SPIDR: variants seen among roughly 807,000 people sequenced by gnomAD.
SPIDR encodes scaffold protein involved in DNA repair.
A neutral mutation model predicts 104.6 loss-of-function variants in SPIDR; 93 were observed. The ratio of observed to expected loss-of-function variants is 0.89; its 90% confidence interval spans 0.75 to 1.06. The LOEUF is 1.06. SPIDR is among the 50% of genes least tolerant of loss of function. The pLI is 0.00. For synonymous variants in SPIDR, 431 were observed against 416.9 expected (o/e 1.03, Z -0.41); for missense variants, 1,154 against 1,111.2 (o/e 1.04, Z -0.55).
At chr8:47,541,103 G>A (rs1284601914) in intron 8 of SPIDR, among the ~76,000 whole-genome samples, 3 of 152,090 alleles carry the variant, frequency 2.0e-5, no homozygotes, top group Admixed American at 6.5e-5. Flanking sequence ...CAAGTGGTCC[G>A]CCTTCCTCGG....
intron 8 of SPIDR, among the ~76,000 whole-genome samples, chr8:47,521,080 C>T (rs1326137851): frequency 1.3e-5 from 2 of 152,132 alleles, no homozygotes; most frequent in African/African-American, 2.4e-5. Context: ...GGATCCAAGA[C>T]GTCTGTCAAT....
At chr8:47,488,642 G>A (rs1489377667) in intron 8 of SPIDR, among the ~76,000 whole-genome samples, 1 of 152,184 alleles carries the variant, frequency 6.6e-6, no homozygotes, top group South Asian at 2.1e-4. Flanking sequence ...CCATCAAAAA[G>A]CTTATCCACC....
rs186003744 is a variant in SPIDR, at chr8:47,507,961, A to G, written c.1097+67419A>G. On this transcript the variant is annotated intron_variant, in intron 8 of 19. Transcript: ENST00000297423. ...TTGCTTGCCTTCCATCCTAGCCCATATGGAGGGCTTTTTCTTGGCCCACTC... is the reference window on the plus strand; with the variant it reads ...TTGCTTGCCTTCCATCCTAGCCCATGTGGAGGGCTTTTTCTTGGCCCACTC... 5.3e-5 allele frequency among the ~76,000 whole-genome samples: 8 copies of G among 152,290 alleles called. 1 individual carries two copies. The South Asian group carries it at 1.2e-3, about 24-fold the overall frequency.
intron 16 of SPIDR, 52 bp downstream of exon 16, chr8:47,713,693 C>G: frequency 3.1e-6 from 5 of 1,597,336 alleles, no homozygotes; most frequent in Non-Finnish European, 4.3e-6. Context: ...AACTGTTATA[C>G]TTTATATTCA....
intron 10 of SPIDR, among the ~76,000 whole-genome samples, chr8:47,632,671 A>G (rs867386788): frequency 1.3e-5 from 2 of 152,212 alleles, no homozygotes; most frequent in South Asian, 4.1e-4. Flanking sequence ...CTCAGGGGAA[A>G]AGAAGGCAGC....
chr8:47,594,196 C>CAAAAAA (rs372928071), intron 8 of SPIDR, among the ~76,000 whole-genome samples: 1 of 53,578 alleles, frequency 1.9e-5, no homozygotes, highest in Non-Finnish European at 3.2e-5. Flanking sequence ...CCAGTCTCTA[C>CAAAAAA]AAAAAAAAAA....
At chr8:47,403,772 A>G (rs1554665261) in intron 6 of SPIDR, among the ~76,000 whole-genome samples, 2 of 152,208 alleles carry the variant, frequency 1.3e-5, no homozygotes, top group African/African-American at 2.4e-5. Flanking sequence ...AAATGGCCAT[A>G]TTACCCAAGG....
At chr8:47,306,225 T>A (rs2043072611) in intron 5 of SPIDR, among the ~76,000 whole-genome samples, 1 of 152,154 alleles carries the variant, frequency 6.6e-6, no homozygotes, top group Admixed American at 6.5e-5. Flanking sequence ...CACTGCAACC[T>A]CCGCCTCCTG....
chr8:47,499,861 C>G (rs1427482353), intron 8 of SPIDR, among the ~76,000 whole-genome samples: 2 of 151,072 alleles, frequency 1.3e-5, no homozygotes, highest in South Asian at 4.2e-4. Context: ...TCTCATTGTT[C>G]AGTTCTCACC....
At chr8:47,512,644 C>T (rs1363217936) in intron 8 of SPIDR, among the ~76,000 whole-genome samples, 1 of 152,140 alleles carries the variant, frequency 6.6e-6, no homozygotes. Context: ...GTCACGGCTG[C>T]TCCTGGGAAT....
intron 8 of SPIDR, among the ~76,000 whole-genome samples, chr8:47,482,367 G>A (rs938513138): frequency 3.3e-5 from 5 of 152,134 alleles, no homozygotes; most frequent in African/African-American, 1.2e-4. Context: ...CCCGGGAGCT[G>A]GAGGTTTCAG....
intron 5 of SPIDR, among the ~76,000 whole-genome samples, chr8:47,327,391 C>CTTTTTTTT (rs375122007): frequency 1.5e-5 from 2 of 132,610 alleles, no homozygotes; most frequent in Non-Finnish European, 1.6e-5. Context: ...GGTTTTTTCA[C>CTTTTTTTT]TTTTTTTTTT....
At chr8:47,637,010 T>C (rs897740122) in intron 10 of SPIDR, among the ~76,000 whole-genome samples, 13 of 152,288 alleles carry the variant, frequency 8.5e-5, no homozygotes, top group African/African-American at 3.1e-4. Context: ...ATTGTCTTCG[T>C]AGACTCAAAT....
intron 7 of SPIDR, among the ~76,000 whole-genome samples, chr8:47,437,460 A>G (rs377065411): frequency 2.0e-3 from 263 of 131,432 alleles, no homozygotes; most frequent in East Asian, 8.9e-3. Flanking sequence ...TCCATGGTGT[A>G]TATGTGCCAC....
chr8:47,265,578 G>T (rs1586025668), intron 1 of SPIDR, among the ~76,000 whole-genome samples: 1 of 152,064 alleles, frequency 6.6e-6, no homozygotes, highest in African/African-American at 2.4e-5. Context: ...ACTTTGCATA[G>T]AGTACCTCAT....
Position 47,678,574 on chromosome 8 carries a change from C to T in SPIDR, c.1685+4633C>T, listed in dbSNP as rs139507436. 2.2e-3 allele frequency among the ~76,000 whole-genome samples: 333 copies of T among 152,210 alleles called. 1 individual carries two copies. Among genetic ancestry groups the T allele is most frequent in the Non-Finnish European group, 3.5e-3 (238 of 68,002 alleles). ...ACCTAGCAAGCACCCACACAGAGAG[C>T]GGAGGCTCAGAGCACCCACTTTGGA... On this transcript the variant is annotated intron_variant, in intron 11 of 19. Coordinates refer to ENST00000297423, the MANE Select transcript of SPIDR (RefSeq NM_001080394.4).
chr8:47,331,987 C>CT (rs2048793130), intron 5 of SPIDR, among the ~76,000 whole-genome samples: 28 of 27,492 alleles, frequency 1.0e-3, no homozygotes, highest in Admixed American at 1.4e-3. Context: ...TTTTTTTTTT[C>CT]TCTTTTTTTT....
chr8:47,710,465 T>G (rs893865944), intron 14 of SPIDR, among the ~76,000 whole-genome samples: 1 of 151,822 alleles, frequency 6.6e-6, no homozygotes, highest in African/African-American at 2.4e-5. Context: ...TCCTGAAATA[T>G]TCACCTTTTT....
At chr8:47,312,010 G>T (rs1554585630) in intron 5 of SPIDR, among the ~76,000 whole-genome samples, 1 of 152,056 alleles carries the variant, frequency 6.6e-6, no homozygotes, top group Non-Finnish European at 1.5e-5. Flanking sequence ...GAGAATGATG[G>T]TTTCCAGTTT....
Sources: allele counts gnomAD v4.1 joint callset (sites outside exome capture counted in the v4.1 genomes callset), GRCh38; gene constraint gnomAD v4.1.1; transcripts MANE v1.5; gene names NCBI Gene and HGNC (gene_info 2026-07-23, HGNC 2026-07-21).